PDE4B: variants seen among roughly 807,000 people sequenced by gnomAD.
PDE4B encodes the protein 3',5'-cyclic-AMP phosphodiesterase 4B.
PDE4B carries 20 observed loss-of-function variants against 82.2 expected under a neutral mutation model. That is an observed-to-expected ratio of 0.24 (90% confidence interval 0.17 to 0.35). PDE4B has a LOEUF of 0.35. PDE4B is among the 10% of genes least tolerant of loss of function. The pLI, the probability that PDE4B is intolerant of heterozygous loss-of-function variation, is 1.00. For missense variants in PDE4B, 655 were observed against 907.2 expected (o/e 0.72, Z 3.57); for synonymous variants, 320 against 318.9 (o/e 1.00, Z -0.04).
intron 7 of PDE4B, among the ~76,000 whole-genome samples, chr1:66,290,142 C>CAGAGAAA (rs1656962895): frequency 2.0e-5 from 3 of 152,072 alleles, no homozygotes; most frequent in Admixed American, 2.0e-4. Flanking sequence ...ATCAACACAG[C>CAGAGAAA]AGAGAAAAGA....
chr1:65,954,285 T>G (rs1649148590), intron 3 of PDE4B, among the ~76,000 whole-genome samples: 1 of 152,136 alleles, frequency 6.6e-6, no homozygotes, highest in South Asian at 2.1e-4. Context: ...AACTTGTTTC[T>G]TATACACAGT....
chr1:65,869,601 A>G (rs1646550080), intron 1 of PDE4B, among the ~76,000 whole-genome samples: 1 of 152,172 alleles, frequency 6.6e-6, no homozygotes, highest in African/African-American at 2.4e-5. Flanking sequence ...AATGACAAGA[A>G]TAGCATTCAG....
intron 7 of PDE4B, among the ~76,000 whole-genome samples, chr1:66,288,738 T>C (rs1375877648): frequency 6.6e-5 from 10 of 152,116 alleles, no homozygotes; most frequent in Admixed American, 5.2e-4. Flanking sequence ...AACAAAATTG[T>C]ACCTTAGTGG....
intron 7 of PDE4B, 154 bp downstream of exon 7, chr1:66,266,241 G>A (rs1299064318): frequency 3.0e-6 from 2 of 672,244 alleles, no homozygotes; most frequent in East Asian, 2.7e-5. Context: ...GTACACTGGA[G>A]CATTACTTCA....
chr1:66,023,012 A>G (rs374075512), intron 3 of PDE4B, among the ~76,000 whole-genome samples: 3 of 152,020 alleles, frequency 2.0e-5, no homozygotes, highest in Admixed American at 6.6e-5. Context: ...TCAGGGATTC[A>G]ACTTCTTCCT....
At chr1:66,031,645 T>C (rs1653781744) in intron 3 of PDE4B, among the ~76,000 whole-genome samples, 1 of 152,322 alleles carries the variant, frequency 6.6e-6, no homozygotes, top group African/African-American at 2.4e-5. Flanking sequence ...AGAGGTAGAA[T>C]TGTGTTTTTT....
intron 3 of PDE4B, among the ~76,000 whole-genome samples, chr1:66,062,606 G>A (rs1410769249): frequency 6.6e-6 from 1 of 152,068 alleles, no homozygotes; most frequent in East Asian, 1.9e-4. Context: ...GTTCAGCTAT[G>A]AAATAAAGTG....
chr1:65,964,824 A>G (rs535268244), intron 3 of PDE4B, among the ~76,000 whole-genome samples: 44 of 152,214 alleles, frequency 2.9e-4, no homozygotes, highest in Non-Finnish European at 4.4e-4. Flanking sequence ...CAATTTTTGC[A>G]TATTGTGTAT....
intron 3 of PDE4B, among the ~76,000 whole-genome samples, chr1:65,948,516 C>T (rs987633636): frequency 6.6e-5 from 10 of 151,832 alleles, no homozygotes; most frequent in African/African-American, 1.5e-4. Flanking sequence ...CTCCTTTTCA[C>T]GTTTTTCTGT....
intron 3 of PDE4B, among the ~76,000 whole-genome samples, chr1:66,040,753 G>T (rs1481058579): frequency 6.6e-6 from 1 of 151,942 alleles, no homozygotes; most frequent in Admixed American, 6.6e-5. Flanking sequence ...GGAGAGTAAA[G>T]GTTAAGAAAG....
At chr1:66,184,355 G>A (rs1047392241) in intron 3 of PDE4B, among the ~76,000 whole-genome samples, 3 of 152,142 alleles carry the variant, frequency 2.0e-5, no homozygotes, top group Non-Finnish European at 4.4e-5. Context: ...TATTTATTGA[G>A]CATCTATTAT....
At chr1:65,929,294 A>T (rs1448504694) in intron 3 of PDE4B, among the ~76,000 whole-genome samples, 1 of 152,106 alleles carries the variant, frequency 6.6e-6, no homozygotes, top group Non-Finnish European at 1.5e-5. Flanking sequence ...CGGGGAGGGG[A>T]TGTTGCCACT....
rs545567417 is a variant in PDE4B, at chr1:66,052,436, A to G, written c.281+133601A>G. On this transcript the variant is annotated intron_variant, in intron 3 of 16. Coordinates refer to ENST00000341517, the MANE Select transcript of PDE4B (RefSeq NM_002600.4). ...AGACCCTAGAGATCGCATCAAACCCACTTGTACAGATAACAAAGCTGGAGC... is the reference window on the plus strand; with the variant it reads ...AGACCCTAGAGATCGCATCAAACCCGCTTGTACAGATAACAAAGCTGGAGC... Among the ~76,000 whole-genome samples the G allele has an allele frequency of 3.3e-5, 5 of 152,238 alleles. No individual in the cohort carries two copies. The East Asian group carries it at 7.7e-4, about 23-fold the overall frequency.
At chr1:66,303,646 C>T (rs1658065185) in intron 7 of PDE4B, among the ~76,000 whole-genome samples, 1 of 152,122 alleles carries the variant, frequency 6.6e-6, no homozygotes, top group African/African-American at 2.4e-5. Flanking sequence ...AAACCAAACT[C>T]TAGCTATTTG....
intron 3 of PDE4B, among the ~76,000 whole-genome samples, chr1:66,043,297 A>C (rs1158287783): frequency 1.3e-5 from 2 of 151,846 alleles, no homozygotes; most frequent in African/African-American, 4.8e-5. Flanking sequence ...GATTTGCTTC[A>C]CTATTTCAGT....
chr1:65,813,405 G>C (rs1645841819), intron 1 of PDE4B, among the ~76,000 whole-genome samples: 1 of 152,138 alleles, frequency 6.6e-6, no homozygotes, highest in Non-Finnish European at 1.5e-5. Context: ...ATGGCATGTT[G>C]AGTTTTGAAC....
At chr1:66,313,624 C>T (rs1208941540) in intron 7 of PDE4B, among the ~76,000 whole-genome samples, 2 of 152,208 alleles carry the variant, frequency 1.3e-5, no homozygotes, top group Non-Finnish European at 2.9e-5. Context: ...ATTAAGCTTG[C>T]ACCCTGCAGA....
Position 66,368,974 on chromosome 1 carries a change from C to G in PDE4B, c.1845+5C>G, listed in dbSNP as rs368312364. The G allele has an allele frequency of 4.4e-5, 71 of 1,595,568 alleles. No individual in the cohort carries two copies. Among genetic ancestry groups the G allele is most frequent in the Non-Finnish European group, 6.1e-5 (71 of 1,169,630 alleles). On this transcript the variant is annotated splice_donor_5th_base_variant and intron_variant, in intron 16 of 16. Coordinates refer to ENST00000341517, the MANE Select transcript of PDE4B (RefSeq NM_002600.4). ...GCTTCTGTGGAAAAATCCCAGGTATCTAATATGAGATTTTCAAAGTTTTTG... is the reference window on the plus strand; with the variant it reads ...GCTTCTGTGGAAAAATCCCAGGTATGTAATATGAGATTTTCAAAGTTTTTG...
At chr1:66,363,308 CTCTT>C in intron 11 of PDE4B, 42 bp downstream of exon 11, 1 of 1,537,792 alleles carries the variant, frequency 6.5e-7, no homozygotes. Flanking sequence ...AATTGGATGG[CTCTT>C]TATGATTTTT....
Sources: allele counts gnomAD v4.1 joint callset (sites outside exome capture counted in the v4.1 genomes callset), GRCh38; gene constraint gnomAD v4.1.1; transcripts MANE v1.5; gene names NCBI Gene and HGNC (gene_info 2026-07-23, HGNC 2026-07-21).